The following TIMM17B variants were observed in gnomAD, a reference collection of about 807,000 sequenced individuals.
The protein encoded by TIMM17B is translocase of inner mitochondrial membrane 17B.
In TIMM17B, 10 loss-of-function variants were observed where a neutral mutation model predicts 15.9. The observed-to-expected ratio is 0.63, with a 90% CI of 0.39 to 1.06. The LOEUF is 1.06. Ranked by LOEUF, TIMM17B falls within the 50% of genes least tolerant of loss-of-function variation. The pLI, the probability that TIMM17B is intolerant of heterozygous loss-of-function variation, is 0.01. For missense variants in TIMM17B, 114 were observed against 152.2 expected (o/e 0.75, Z 1.32); for synonymous variants, 57 against 57.2 (o/e 1.00, Z 0.02).
At chrX:48,896,575 A>G in intron 3 of TIMM17B, 184 bp downstream of exon 2, 1 of 963,339 alleles carries the variant, frequency 1.0e-6, no homozygotes, top group Non-Finnish European at 1.4e-6. Context: ...GGTGGAAGAC[A>G]GAGGCCATGT....
chrX:48,897,670 C>T lies in TIMM17B; in HGVS notation c.26+54G>A, dbSNP rs2063327962. 2.8e-6 allele frequency: 3 copies of T among 1,075,734 alleles called. No individual in the cohort carries two copies. In the South Asian group the frequency reaches 5.6e-5, roughly 20 times the overall value. 88.7% of individuals were successfully genotyped at this position (1,075,734 alleles called of 1,213,427 possible). A position where few individuals can be genotyped will look rare whatever the true frequency, so the allele number is the denominator to read the frequency against. ...CGATGCCTCCCCCGCCCGACCCCCA[C>T]GGCTGGCCTTGGCGTCGCAGCAATA... On this transcript the variant is annotated intron_variant, in intron 2 of 6. Transcript: ENST00000376582.
chrX:48,896,007 C>T, intron 3 of TIMM17B: 1 of 116,141 alleles, frequency 8.6e-6, no homozygotes, highest in Non-Finnish European at 1.8e-5. Context: ...AAATAATTAG[C>T]CGGGCATGGT....
intron 3 of TIMM17B, 114 bp downstream of exon 2, chrX:48,896,645 G>T: frequency 8.8e-7 from 1 of 1,131,652 alleles, no homozygotes. Context: ...TAGGTGAGTG[G>T]GCACCAGAAT....
At chrX:48,894,066 G>A in intron 5 of TIMM17B, 31 bp downstream of exon 4, 1 of 1,196,589 alleles carries the variant, frequency 8.4e-7, no homozygotes, top group Non-Finnish European at 1.1e-6. Context: ...CAGGGTGGAA[G>A]GGGCTGGGGC....
exon 7 of TIMM17B, chrX:48,893,696 C>T (rs2063293512): frequency 6.4e-6 from 7 of 1,086,534 alleles, no homozygotes; most frequent in Admixed American, 3.1e-5. Context: ...GGGAGGGAAC[C>T]GAGAAGTAGC....
chrX:48,896,787 G>A (rs1557039610), exon 3 of TIMM17B: 3 of 1,210,725 alleles, frequency 2.5e-6, no homozygotes, highest in Admixed American at 4.4e-5. Flanking sequence ...ACCCTTGATG[G>A]CCTGGAAGAC....
At chrX:48,894,727 T>C (rs782529465) in intron 4 of TIMM17B, among the ~76,000 whole-genome samples, 17 of 111,828 alleles carry the variant, frequency 1.5e-4, no homozygotes, top group South Asian at 7.4e-4. Context: ...TAGTAGTATG[T>C]AAATTACATA....
exon 1 of TIMM17B, chrX:48,898,078 T>A: frequency 9.8e-7 from 1 of 1,024,316 alleles, no homozygotes; most frequent in Non-Finnish European, 1.2e-6. Flanking sequence ...TGCACGAGTG[T>A]ATTGGTAACG....
At chrX:48,898,015 G>A in intron 1 of TIMM17B, 2 of 990,665 alleles carry the variant, frequency 2.0e-6, no homozygotes, top group South Asian at 4.9e-5. Flanking sequence ...GTGGGCCCAG[G>A]TATCGTAGCG....
chrX:48,897,814 C>T, exon 2 of TIMM17B: 1 of 1,188,637 alleles, frequency 8.4e-7, no homozygotes, highest in Non-Finnish European at 1.1e-6. Flanking sequence ...GGCGTCGGAG[C>T]TTTCCGCCTA....
intron 2 of TIMM17B, 133 bp from the exon 2 acceptor site, chrX:48,896,991 A>G (rs1389896397): frequency 9.1e-6 from 10 of 1,104,605 alleles, no homozygotes; most frequent in Non-Finnish European, 1.2e-5. Flanking sequence ...CACTTCAGAT[A>G]ATAATGAGCT....
rs1250066073 is a variant in TIMM17B at position 48,897,448 on chromosome X, T to G, written c.26+276A>C. On this transcript the variant is annotated intron_variant, in intron 2 of 6. Coordinates refer to ENST00000376582, the Ensembl canonical transcript of TIMM17B. ...AACACCGTACCACCCCTAGCCGGGATGGATCGTCCAGCGTGTCTTTTTTCG... is the reference window on the plus strand; with the variant it reads ...AACACCGTACCACCCCTAGCCGGGAGGGATCGTCCAGCGTGTCTTTTTTCG... 15 of 390,661 alleles carry G rather than the reference T, an allele frequency of 3.8e-5. No individual in the cohort carries two copies. In the Admixed American group the frequency reaches 6.7e-4, roughly 18 times the overall value. The allele number at this position is 390,661 out of a possible 1,213,427, so 32.2% of individuals were successfully genotyped here.
chrX:48,894,053 G>T, intron 5 of TIMM17B, 43 bp from the exon 5 acceptor site: 1 of 1,196,982 alleles, frequency 8.4e-7, no homozygotes, highest in Non-Finnish European at 1.1e-6. Context: ...AGAGCAGGCA[G>T]AACAGGGTGG....
chrX:48,895,393 T>C (rs1557039317), intron 3 of TIMM17B: 2 of 514,893 alleles, frequency 3.9e-6, no homozygotes, highest in Admixed American at 2.7e-5. Flanking sequence ...GATACAGCCA[T>C]GAACAAGGTA....
At chrX:48,897,279 G>C (rs1222037717) in intron 2 of TIMM17B, 5 of 212,628 alleles carry the variant, frequency 2.4e-5, no homozygotes, top group Non-Finnish European at 3.4e-5. Context: ...TTTTCAATCC[G>C]GCACAACTGG....
chrX:48,893,890 A>C lies in TIMM17B; in HGVS notation c.430+10T>G. The C allele has an allele frequency of 1.7e-6, 2 of 1,202,352 alleles. No individual in the cohort carries two copies. The highest frequency in any genetic ancestry group is 2.3e-6 in the Non-Finnish European group (2 of 887,809). On this transcript the variant is annotated intron_variant, in intron 6 of 6. Coordinates refer to ENST00000376582, the Ensembl canonical transcript of TIMM17B. ...AGTATTTCCCACTCCCCCGACCACC[A>C]GTTACTCACCATTTCGGAACTGCTG... is the stretch of plus-strand genomic sequence containing the variant.
Position 48,893,740 on chromosome X carries a change from G to A in TIMM17B, c.508C>T (p.Gln170Ter). Reference sequence around the variant, plus strand: ...TGGCAGTGGCTTCCTCAGTGGTACTGCTGATAGCTGGGGTAGCCTGGGGCC... The same window carrying A: ...TGGCAGTGGCTTCCTCAGTGGTACTACTGATAGCTGGGGTAGCCTGGGGCC... The change falls in exon 7 of 7, where the codon CAG (glutamine) becomes TAG (stop). Residue 170 changes from glutamine (Q) to a stop codon, truncating the protein, a stop_gained. Transcript: ENST00000376582. LOFTEE classifies it high-confidence loss of function. 1.7e-6 allele frequency: 2 copies of A among 1,162,391 alleles called. No homozygotes were observed. Among genetic ancestry groups the A allele is most frequent in the Non-Finnish European group, 2.3e-6 (2 of 870,921 alleles).
In TIMM17B at chrX:48,895,599, C is replaced by A. The variant is rs1177456233; in HGVS notation, c.127-498G>T. ...ATCTGTGCTGAGACCTTGAGGATGACAAACTTGGGCAAAGATCCAGGGAGG... is the reference window on the plus strand; with the variant it reads ...ATCTGTGCTGAGACCTTGAGGATGAAAAACTTGGGCAAAGATCCAGGGAGG... On this transcript the variant is annotated intron_variant, in intron 3 of 6. Transcript: ENST00000376582. The A allele has an allele frequency of 2.8e-5, 13 of 463,974 alleles. No individual in the cohort carries two copies. The African/African-American group carries it at 3.1e-4, about 11-fold the overall frequency. The allele number at this position is 463,974 out of a possible 1,213,427, so 38.2% of individuals were successfully genotyped here. A position where few individuals can be genotyped will look rare whatever the true frequency, so the allele number is the denominator to read the frequency against.
chrX:48,895,659 C>T (rs1318848371), intron 3 of TIMM17B: 1 of 399,201 alleles, frequency 2.5e-6, no homozygotes, highest in Non-Finnish European at 4.4e-6. Flanking sequence ...GACGGGGCTA[C>T]ATATATAAAT....
Sources: gnomAD v4.1 joint callset for allele counts (sites outside exome capture counted in the v4.1 genomes callset) on GRCh38, gnomAD v4.1.1 for gene constraint, MANE v1.5 for transcripts, NCBI Gene and HGNC (gene_info 2026-07-23, HGNC 2026-07-21) for gene names.